CA10: variants seen among roughly 807,000 people sequenced by gnomAD.
The protein encoded by CA10 is carbonic anhydrase-related protein 10.
In CA10, 14 loss-of-function variants were observed where a neutral mutation model predicts 44.2. The observed-to-expected ratio is 0.32, with a 90% CI of 0.21 to 0.50. The LOEUF is 0.50. Ranked by LOEUF, CA10 falls within the 20% of genes least tolerant of loss-of-function variation. CA10 has a pLI of 0.99. For synonymous variants in CA10, 159 were observed against 141.6 expected, an observed-to-expected ratio of 1.12 and a Z score of -0.87; for missense variants, 350 against 409.7, an observed-to-expected ratio of 0.85 and a Z score of 1.26.
At chr17:51,710,509 C>A (rs1915901297) in intron 4 of CA10, among the ~76,000 whole-genome samples, 1 of 152,138 alleles carries the variant, frequency 6.6e-6, no homozygotes, top group Non-Finnish European at 1.5e-5. Flanking sequence ...AGCAGAAAGA[C>A]CTACTTAATA....
intron 3 of CA10, among the ~76,000 whole-genome samples, chr17:51,890,639 A>G (rs1980815194): frequency 6.6e-6 from 1 of 152,230 alleles, no homozygotes; most frequent in Admixed American, 6.5e-5. Flanking sequence ...AAATGAGTGA[A>G]CAGTATATTA....
At chr17:52,081,380 G>T (rs1987970839) in intron 1 of CA10, among the ~76,000 whole-genome samples, 1 of 152,222 alleles carries the variant, frequency 6.6e-6, no homozygotes, top group Admixed American at 6.5e-5. Context: ...GCCAATAGGT[G>T]TGATAATAGT....
intron 2 of CA10, among the ~76,000 whole-genome samples, chr17:51,944,117 A>G (rs2092326747): frequency 6.6e-6 from 1 of 152,196 alleles, no homozygotes. Flanking sequence ...AGAATGTCTT[A>G]GATGGCAGAC....
intron 2 of CA10, among the ~76,000 whole-genome samples, chr17:51,945,146 G>A (rs946276186): frequency 6.6e-6 from 1 of 152,104 alleles, no homozygotes; most frequent in Admixed American, 6.5e-5. Flanking sequence ...AAGCTAATAG[G>A]GATTTAGTTA....
chr17:51,713,614 A>C (rs1305420732), intron 4 of CA10, among the ~76,000 whole-genome samples: 2 of 152,232 alleles, frequency 1.3e-5, no homozygotes, highest in African/African-American at 2.4e-5. Flanking sequence ...GTGTGGGTAC[A>C]GGCATCTGTT....
intron 3 of CA10, among the ~76,000 whole-genome samples, chr17:51,869,435 C>T (rs1415544829): frequency 6.6e-6 from 1 of 152,190 alleles, no homozygotes; most frequent in African/African-American, 2.4e-5. Flanking sequence ...TGAAAGTTTA[C>T]TCCTGAGGCC....
At chr17:51,791,808 G>A (rs1906527668) in intron 3 of CA10, among the ~76,000 whole-genome samples, 1 of 152,148 alleles carries the variant, frequency 6.6e-6, no homozygotes, top group South Asian at 2.1e-4. Flanking sequence ...TCTTTTAATA[G>A]CTTTTGAAGA....
At chr17:51,983,087 G>A (rs1984706284) in intron 2 of CA10, among the ~76,000 whole-genome samples, 1 of 148,988 alleles carries the variant, frequency 6.7e-6, no homozygotes, top group Non-Finnish European at 1.5e-5. Context: ...ATTTTTTATA[G>A]GAAATTTTTT....
At chr17:52,059,242 TA>T (rs1472601464) in intron 2 of CA10, among the ~76,000 whole-genome samples, 1 of 152,134 alleles carries the variant, frequency 6.6e-6, no homozygotes, top group Non-Finnish European at 1.5e-5. Context: ...CTGCTAACTA[TA>T]ACTTCCAAAC....
chr17:52,074,578 T>G (rs1987768106), intron 1 of CA10, among the ~76,000 whole-genome samples: 1 of 149,910 alleles, frequency 6.7e-6, no homozygotes, highest in Non-Finnish European at 1.5e-5. Context: ...TGCATGTGTT[T>G]CATTACCCCA....
At chr17:51,837,928 A>C (rs1978292531) in intron 3 of CA10, among the ~76,000 whole-genome samples, 1 of 152,198 alleles carries the variant, frequency 6.6e-6, no homozygotes. Context: ...TTGGATGATG[A>C]AAGCATTTGT....
chr17:51,831,880 A>T (rs188161228), intron 3 of CA10, among the ~76,000 whole-genome samples: 1 of 152,282 alleles, frequency 6.6e-6, no homozygotes, highest in African/African-American at 2.4e-5. Context: ...AAAGACATTC[A>T]GATTCTACTA....
At chr17:51,653,449 T>A (rs1331145011) in intron 5 of CA10, among the ~76,000 whole-genome samples, 192 bp downstream of exon 5, 1 of 150,430 alleles carries the variant, frequency 6.6e-6, no homozygotes, top group Non-Finnish European at 1.5e-5. Context: ...AAATGGAGAT[T>A]ATCATTTTTG....
At position 52,157,951 on chromosome 17, in the gene CA10, C is replaced by A; in HGVS notation, c.-165G>T. ...GGACAGTCACCCCCAAGATCAATAT[C>A]GCAGTTTGAATTGTTCCGGCAAATC... On this transcript the variant is annotated 5_prime_UTR_variant, in exon 1 of 9. Transcript: ENST00000451037. 1 of 673,538 alleles carries A rather than the reference C, an allele frequency of 1.5e-6. No homozygotes were observed. The highest frequency in any genetic ancestry group is 1.8e-5 in the African/African-American group (1 of 56,134). The allele number at this position is 673,538 out of a possible 1,614,324, so 41.7% of individuals were successfully genotyped here.
At chr17:51,988,251 T>C (rs1298289447) in intron 2 of CA10, among the ~76,000 whole-genome samples, 1 of 151,968 alleles carries the variant, frequency 6.6e-6, no homozygotes, top group African/African-American at 2.4e-5. Context: ...GAAATCGAGT[T>C]GGGTTTTAGA....
intron 3 of CA10, among the ~76,000 whole-genome samples, chr17:51,771,953 C>G (rs1226490593): frequency 2.0e-5 from 3 of 152,196 alleles, no homozygotes; most frequent in Non-Finnish European, 4.4e-5. Flanking sequence ...AAGCCTCTCA[C>G]AGAGTGTATG....
chr17:52,021,495 C>T (rs1436525561), intron 2 of CA10, among the ~76,000 whole-genome samples: 1 of 151,984 alleles, frequency 6.6e-6, no homozygotes, highest in Admixed American at 6.6e-5. Flanking sequence ...TTTTAATAGC[C>T]ATTCTGACTT....
chr17:51,978,284 G>T (rs1201175328), intron 2 of CA10, among the ~76,000 whole-genome samples: 1 of 151,830 alleles, frequency 6.6e-6, no homozygotes, highest in Non-Finnish European at 1.5e-5. Context: ...AAAATAGTGA[G>T]GTATTCACAT....
rs577366012 is a variant in CA10 at position 51,993,103 on chromosome 17, C to T, written c.137-61971G>A. On this transcript the variant is annotated intron_variant, in intron 2 of 8. Coordinates refer to ENST00000451037, the MANE Select transcript of CA10 (RefSeq NM_020178.5). ...AAGTGCTTGGGATAATTTGTAATAT[C>T]AGTGCACTGATGCATTGGGTCCAGA... Among the ~76,000 whole-genome samples, 4 of 152,168 alleles carry T rather than the reference C, an allele frequency of 2.6e-5. No homozygotes were observed. In the South Asian group the frequency reaches 8.3e-4, roughly 32 times the overall value.
Sources: allele counts gnomAD v4.1 joint callset (sites outside exome capture counted in the v4.1 genomes callset), GRCh38; gene constraint gnomAD v4.1.1; transcripts MANE v1.5; gene names NCBI Gene and HGNC (gene_info 2026-07-23, HGNC 2026-07-21).